Variants in KIAA2013 observed in about 807,000 individuals in gnomAD.
The protein encoded by KIAA2013 is KIAA2013, also known as uncharacterized protein KIAA2013.
In KIAA2013, 20 loss-of-function variants were observed where a neutral mutation model predicts 39.9. The ratio of observed to expected loss-of-function variants is 0.50; its 90% CI spans 0.35 to 0.73. The LOEUF is 0.73. Among genes scored for constraint, KIAA2013 ranks in the 30% least tolerant of loss-of-function variants. The probability of loss-of-function intolerance (pLI) is 0.01; values close to 1 mark genes in which losing one functional copy is unlikely to be tolerated. For synonymous variants in KIAA2013, 336 were observed against 416.6 expected, an observed-to-expected ratio of 0.81 and a Z score of 2.35; for missense variants, 587 against 856.1, an observed-to-expected ratio of 0.69 and a Z score of 3.92.
rs1411573581 is a variant in KIAA2013 at position 11,925,238 on chromosome 1, G to C, written c.1000C>G (p.His334Asp). 5.6e-6 allele frequency: 9 copies of C among 1,601,084 alleles called. No homozygotes were observed. The highest frequency in any genetic ancestry group is 6.8e-6 in the Non-Finnish European group (8 of 1,172,916). The change falls in exon 1 of 3, where the codon CAC (histidine) becomes GAC (aspartate). Residue 334 changes from histidine to aspartate, a missense_variant. Transcript: ENST00000376572. The surrounding 1 kb of genome is among the most constrained non-coding windows in gnomAD (Gnocchi z 5.2). ...DMPAAELLQDHQLLWAQLFSP... is the reference protein window; with the variant it reads ...DMPAAELLQDDQLLWAQLFSP... ...AAGAGCTGAGCCCAGAGGAGCTGGT[G>C]GTCTTGAAGCAGCTCCGCCGCTGGC...
At position 11,920,179 on chromosome 1, in the gene KIAA2013, A is replaced by G; in HGVS notation, c.*136T>C. On this transcript the variant is annotated 3_prime_UTR_variant, in exon 3 of 3. Transcript: ENST00000376572. The stretch of plus-strand genomic sequence containing the variant: ...TGCAAACTCTGGTGTATCCACACTC[A>G]CTTCTGCGTCACCGGTTTCCCCCAA... The G allele has an allele frequency of 2.2e-6, 2 of 912,750 alleles. No individual in the cohort carries two copies. The highest frequency in any genetic ancestry group is 3.0e-4 in the Middle Eastern group (1 of 3,280). The allele number at this position is 912,750 out of a possible 1,614,324, so 56.5% of individuals were successfully genotyped here.
In KIAA2013 at chr1:11,925,746, G is replaced by T; in HGVS notation, c.492C>A (p.Pro164=). 1.3e-6 allele frequency: 2 copies of T among 1,541,232 alleles called. No individual in the cohort carries two copies. Among genetic ancestry groups the T allele is most frequent in the East Asian group, 4.7e-5 (2 of 42,454 alleles). Residue 164 remains proline, a synonymous_variant, in exon 1 of 3, where the codon CCC becomes CCA. Transcript: ENST00000376572. The surrounding 1 kb of genome is among the most constrained non-coding windows in gnomAD (Gnocchi z 5.2). ...AGGCGGGCCCGGGGCCGGCGGCCAC[G>T]GGGCCAGGACCTGGGGACCCCAGCT... ...CLQLGSPGPG[P]VAAGPGPASV...
chr1:11,920,355 G>T (rs759597641), intron 2 of KIAA2013, 23 bp from the exon 3 acceptor site: 5 of 1,613,640 alleles, frequency 3.1e-6, no homozygotes, highest in African/African-American at 1.3e-5. Flanking sequence ...CAAAACAAGT[G>T]TGATTACTGT....
rs756843643 is a variant in KIAA2013, at chr1:11,925,688, C to A, written c.550G>T (p.Asp184Tyr). The A allele has an allele frequency of 2.0e-5, 32 of 1,596,142 alleles. No individual in the cohort carries two copies. The highest frequency in any genetic ancestry group is 4.5e-5 in the East Asian group (2 of 44,358). Residue 184 changes from aspartate (D) to tyrosine (Y), a missense_variant, in exon 1 of 3, where the codon GAC (aspartate) becomes TAC (tyrosine). Coordinates refer to ENST00000376572, the MANE Select transcript of KIAA2013 (RefSeq NM_138346.3). The surrounding 1 kb of genome is among the most constrained non-coding windows in gnomAD (Gnocchi z 5.2). ...AAGTCCTCTTGCAGCAGCACGCAGT[C>A]GCGGCCGGACCCCGCGGCAAGGCCA... Reference protein sequence around the residue: ...VSGLAAGSGRDCVLLQEDFLA... With the variant: ...VSGLAAGSGRYCVLLQEDFLA...
At chr1:11,924,492 AG>A (rs1645493850) in intron 1 of KIAA2013, among the ~76,000 whole-genome samples, 2 of 152,172 alleles carry the variant, frequency 1.3e-5, no homozygotes, top group Admixed American at 1.3e-4. Context: ...CCATGAGAAC[AG>A]GAACTCTGGT....
At position 11,925,319 on chromosome 1, in the gene KIAA2013, C is replaced by A. The variant is rs1368795388; in HGVS notation, c.919G>T (p.Glu307Ter). ...PQVLKSKAAK[E>*]LKALQDLARK... Reference sequence around the variant, plus strand: ...GCCAAGTCCTGCAGCGCCTTGAGCTCCTTGGCTGCTTTGCTTTTGAGCACC... The same window carrying A: ...GCCAAGTCCTGCAGCGCCTTGAGCTACTTGGCTGCTTTGCTTTTGAGCACC... Residue 307 changes from glutamate (E) to a stop codon, truncating the protein, a stop_gained, in exon 1 of 3, where the codon GAG becomes TAG. Transcript: ENST00000376572. LOFTEE classifies it high-confidence loss of function. The surrounding 1 kb of genome is among the most constrained non-coding windows in gnomAD (Gnocchi z 5.2). 6.2e-7 allele frequency: 1 copy of A among 1,613,738 alleles called. No homozygotes were observed. Among genetic ancestry groups the A allele is most frequent in the Non-Finnish European group, 8.5e-7 (1 of 1,179,878 alleles).
At position 11,921,546 on chromosome 1, in the gene KIAA2013, ATTATT is replaced by A. The variant is rs1557471362; in HGVS notation, c.1887+1085_1887+1089del. ...TTTTATTTTATTATTATTATTATTT[ATTATT>A]TATTTTTTATTTTTTTGAGACAGAG... On this transcript the variant is annotated intron_variant, in intron 2 of 2. Coordinates refer to ENST00000376572, the MANE Select transcript of KIAA2013 (RefSeq NM_138346.3). 2.0e-5 allele frequency among the ~76,000 whole-genome samples: 3 copies of A among 151,028 alleles called. No individual in the cohort carries two copies. The East Asian group carries it at 5.8e-4, about 29-fold the overall frequency.
Position 11,925,934 on chromosome 1 carries a change from C to A in KIAA2013, c.304G>T (p.Val102Leu). ...GTCACCCACAGCCGATTGGCAGCCA[C>A]GTCCAGGGCCAGGAAGCCGTTGGCC... ...LVANGFLALD[V>L]AANRLWVTPG... Residue 102 changes from valine (V) to leucine (L), a missense_variant, in exon 1 of 3, where the codon GTG becomes TTG. By Grantham distance (32) the Val-to-Leu change is conservative (BLOSUM62 1). Transcript: ENST00000376572. The surrounding 1 kb of genome is among the most constrained non-coding windows in gnomAD (Gnocchi z 5.2). 1 of 1,533,838 alleles carries A rather than the reference C, an allele frequency of 6.5e-7. No individual in the cohort carries two copies. Among genetic ancestry groups the A allele is most frequent in the Non-Finnish European group, 8.7e-7 (1 of 1,147,738 alleles).
intron 2 of KIAA2013, among the ~76,000 whole-genome samples, chr1:11,920,824 C>G (rs1423627336): frequency 6.6e-6 from 1 of 152,230 alleles, no homozygotes; most frequent in South Asian, 2.1e-4. Flanking sequence ...GTCTCCCACT[C>G]TTCTGCTCTT....
intron 2 of KIAA2013, among the ~76,000 whole-genome samples, chr1:11,921,483 A>G (rs1467815798): frequency 2.6e-5 from 4 of 152,154 alleles, no homozygotes. Context: ...CAGTTCAGAC[A>G]GAGGCTTCAA....
intron 1 of KIAA2013, among the ~76,000 whole-genome samples, chr1:11,924,995 C>G (rs1645497272): frequency 6.6e-6 from 1 of 152,218 alleles, no homozygotes; most frequent in Non-Finnish European, 1.5e-5. Context: ...TAAAAACCTT[C>G]TGAGGTAGGC....
Position 11,923,465 on chromosome 1 carries a change from T to C in KIAA2013, c.1058A>G (p.Asp353Gly), listed in dbSNP as rs748321655. The C allele has an allele frequency of 6.2e-7, 1 of 1,607,104 alleles. No homozygotes were observed. Among genetic ancestry groups the C allele is most frequent in the Admixed American group, 1.7e-5 (1 of 59,990 alleles). ...SPGVEMKKIT[D>G]THTPSGLTVN... ...GGTGAGGCCAGACGGCGTGTGGGTG[T>C]CAGTGATCTTCTTCATTTCCACTCC... is the stretch of plus-strand genomic sequence containing the variant. Residue 353 changes from aspartate to glycine, a missense_variant, in exon 2 of 3, where the codon GAC becomes GGC. Transcript: ENST00000376572. The surrounding 1 kb of genome is among the most constrained non-coding windows in gnomAD (Gnocchi z 4.6).
rs2100722794 is a variant in KIAA2013 at position 11,926,317 on chromosome 1, T to C, written c.-80A>G. ...GCCCACCGGCCCGGCCGCCCGCGCCTCACTGCCCGGCCCGGACCGCGGCGC... is the reference window on the plus strand; with the variant it reads ...GCCCACCGGCCCGGCCGCCCGCGCCCCACTGCCCGGCCCGGACCGCGGCGC... On this transcript the variant is annotated 5_prime_UTR_variant, in exon 1 of 3. Transcript: ENST00000376572. 1 of 702,536 alleles carries C rather than the reference T, an allele frequency of 1.4e-6. No individual in the cohort carries two copies. Among genetic ancestry groups the C allele is most frequent in the South Asian group, 6.1e-5 (1 of 16,454 alleles). 43.5% of individuals were successfully genotyped at this position (702,536 alleles called of 1,614,324 possible). A position where few individuals can be genotyped will look rare whatever the true frequency, so the allele number is the denominator to read the frequency against.
chr1:11,922,597 G>A (rs1026501880), intron 2 of KIAA2013, 39 bp downstream of exon 2: 1 of 1,606,032 alleles, frequency 6.2e-7, no homozygotes. Context: ...TGAGAGCAAG[G>A]CCAAGGCCTC....
In KIAA2013 at chr1:11,925,638, G is replaced by C. The variant is rs759446519; in HGVS notation, c.600C>G (p.His200Gln). The change falls in exon 1 of 3, where the codon CAC becomes CAG. Residue 200 changes from histidine to glutamine, a missense_variant. Physicochemically the swap from His to Gln is conservative, Grantham distance 24. Coordinates refer to ENST00000376572, the MANE Select transcript of KIAA2013 (RefSeq NM_138346.3). This position sits in a 1 kb window ranked among gnomAD's most constrained non-coding sequence, Gnocchi z 5.2. ...EDFLAHRGRPHVYLQRIQLNN... is the reference protein window; with the variant it reads ...EDFLAHRGRPQVYLQRIQLNN... ...TGAGCTGGATGCGCTGCAGGTAGAC[G>C]TGGGGTCGGCCCCTGTGCGCCAGAA... is the stretch of plus-strand genomic sequence containing the variant. 1.2e-6 allele frequency: 2 copies of C among 1,608,728 alleles called. No individual in the cohort carries two copies. The highest frequency in any genetic ancestry group is 1.3e-5 in the African/African-American group (1 of 74,886).
chr1:11,922,898 G>A lies in KIAA2013; in HGVS notation c.1625C>T (p.Thr542Ile), dbSNP rs35073764. ...GGGCTGTGTCACCATGACCGAGAAG[G>A]TGTGGCCCGTGGGCGCCGAGGTCAG... The part of the protein sequence containing the change: ...VELTSAPTGH[T>I]FSVMVTQPIT... Residue 542 changes from threonine to isoleucine, a missense_variant, in exon 2 of 3, where the codon ACC becomes ATC. Coordinates refer to ENST00000376572, the MANE Select transcript of KIAA2013 (RefSeq NM_138346.3). 9,632 of 1,612,046 alleles carry A rather than the reference G, an allele frequency of 6.0e-3. 32 individuals carry two copies. The highest frequency in any genetic ancestry group is 7.3e-3 in the Non-Finnish European group (8,573 of 1,178,850).
At position 11,923,376 on chromosome 1, in the gene KIAA2013, T is replaced by C; in HGVS notation, c.1147A>G (p.Ser383Gly). ...TCCATCTGGTCTCGCTCCCTGTGGC[T>C]CAGGGAGGGGCTGAGCAGTGGGGCT... is the stretch of plus-strand genomic sequence containing the variant. ...SPAPLLSPSL[S>G]HRERDQMEST... Residue 383 changes from serine (S) to glycine (G), a missense_variant, in exon 2 of 3, where the codon AGC becomes GGC. Physicochemically the swap from Ser to Gly is moderately conservative, Grantham distance 56. Coordinates refer to ENST00000376572, the MANE Select transcript of KIAA2013 (RefSeq NM_138346.3). This position sits in a 1 kb window ranked among gnomAD's most constrained non-coding sequence, Gnocchi z 4.6. 6.2e-7 allele frequency: 1 copy of C among 1,613,236 alleles called. No homozygotes were observed. The highest frequency in any genetic ancestry group is 8.5e-7 in the Non-Finnish European group (1 of 1,180,006).
Position 11,922,914 on chromosome 1 carries a change from C to T in KIAA2013, c.1609G>A (p.Ala537Thr), listed in dbSNP as rs1209026721. The change falls in exon 2 of 3, where the codon GCG becomes ACG. Residue 537 changes from alanine to threonine, a missense_variant. Physicochemically the swap from Ala to Thr is moderately conservative, Grantham distance 58. Transcript: ENST00000376572. ...CLDEPVELTSAPTGHTFSVMV... is the reference protein window; with the variant it reads ...CLDEPVELTSTPTGHTFSVMV... ...ACCGAGAAGGTGTGGCCCGTGGGCGCCGAGGTCAGCTCCACTGGCTCGTCC... is the reference window on the plus strand; with the variant it reads ...ACCGAGAAGGTGTGGCCCGTGGGCGTCGAGGTCAGCTCCACTGGCTCGTCC... The T allele has an allele frequency of 5.6e-6, 9 of 1,611,656 alleles. No homozygotes were observed. The East Asian group carries it at 6.7e-5, about 12-fold the overall frequency.
chr1:11,923,358 G>T lies in KIAA2013; in HGVS notation c.1165C>A (p.Gln389Lys). The T allele has an allele frequency of 6.2e-7, 1 of 1,613,474 alleles. No homozygotes were observed. The highest frequency in any genetic ancestry group is 8.5e-7 in the Non-Finnish European group (1 of 1,180,010). Reference protein sequence around the residue: ...SPSLSHRERDQMESTLNYEDH... With the variant: ...SPSLSHRERDKMESTLNYEDH... ...TCATAGTTGAGCGTCGACTCCATCT[G>T]GTCTCGCTCCCTGTGGCTCAGGGAG... Residue 389 changes from glutamine to lysine, a missense_variant, in exon 2 of 3, where the codon CAG becomes AAG. Gln to Lys is a moderately conservative substitution (Grantham distance 53). Coordinates refer to ENST00000376572, the MANE Select transcript of KIAA2013 (RefSeq NM_138346.3). The surrounding 1 kb of genome is among the most constrained non-coding windows in gnomAD (Gnocchi z 4.6).
Sources: allele counts gnomAD v4.1 joint callset (sites outside exome capture counted in the v4.1 genomes callset), GRCh38; gene constraint gnomAD v4.1.1; non-coding constraint Gnocchi (gnomAD v3.1); transcripts MANE v1.5; gene names NCBI Gene and HGNC (gene_info 2026-07-23, HGNC 2026-07-21).